The following ZNF713 variants were observed in gnomAD, a reference collection of about 807,000 sequenced individuals.
ZNF713 encodes zinc finger protein 713.
In ZNF713, 21 loss-of-function variants were observed where a neutral mutation model predicts 28.7. That is an observed-to-expected ratio of 0.73 (90% CI 0.52 to 1.05). The LOEUF (loss-of-function observed/expected upper bound fraction) is 1.05. Among genes scored for constraint, ZNF713 ranks in the 50% least tolerant of loss-of-function variants. ZNF713 has a pLI of 0.00. For missense variants in ZNF713, 458 were observed against 532.4 expected (o/e 0.86, Z 1.37); for synonymous variants, 167 against 178.0 (o/e 0.94, Z 0.49).
chr7:55,896,663 GTA>G (rs145355782), intron 1 of ZNF713, among the ~76,000 whole-genome samples: 1 of 150,976 alleles, frequency 6.6e-6, no homozygotes, highest in Non-Finnish European at 1.5e-5. Context: ...TGGTTAGTGT[GTA>G]TATATATATA....
At chr7:55,922,261 C>T (rs142147393) in intron 4 of ZNF713, among the ~76,000 whole-genome samples, 36 of 152,194 alleles carry the variant, frequency 2.4e-4, no homozygotes, top group African/African-American at 8.2e-4. Flanking sequence ...TTGCCTTGGC[C>T]GGGCACAGTG....
chr7:55,929,709 T>G (rs927955962), intron 6 of ZNF713, among the ~76,000 whole-genome samples: 1 of 150,672 alleles, frequency 6.6e-6, no homozygotes, highest in Non-Finnish European at 1.5e-5. Flanking sequence ...GAACTGAGAC[T>G]GCGCCACTGC....
At position 55,941,436 on chromosome 7, in the gene ZNF713, A is replaced by T. The variant is rs890991159; in HGVS notation, c.*1430A>T. 1 of 150,872 alleles carries T rather than the reference A, an allele frequency of 6.6e-6. No individual in the cohort carries two copies. Among genetic ancestry groups the T allele is most frequent in the Non-Finnish European group, 1.5e-5 (1 of 67,696 alleles). The allele number at this position is 150,872 out of a possible 1,614,324, so 9.3% of individuals were successfully genotyped here. On this transcript the variant is annotated 3_prime_UTR_variant, in exon 7 of 7. Transcript: ENST00000429591. ...ACGCCACTGTACTCCAGCCTGGGCA[A>T]CAGAGTGAGACTGTCTCAAAAAAAA...
chr7:55,936,098 C>T (rs994323293), intron 6 of ZNF713, among the ~76,000 whole-genome samples: 13 of 151,854 alleles, frequency 8.6e-5, no homozygotes, highest in African/African-American at 2.2e-4. Flanking sequence ...AACCCCGTCT[C>T]TACTAAAAAT....
intron 2 of ZNF713, among the ~76,000 whole-genome samples, chr7:55,910,070 A>C (rs1420553093): frequency 6.6e-6 from 1 of 151,654 alleles, no homozygotes; most frequent in East Asian, 1.9e-4. Context: ...CATGTTGCCC[A>C]AGCTGGTCTT....
Position 55,939,578 on chromosome 7 carries a change from A to T in ZNF713, c.904A>T (p.Ile302Phe). 6.2e-7 allele frequency: 1 copy of T among 1,614,104 alleles called. No individual in the cohort carries two copies. The highest frequency in any genetic ancestry group is 1.7e-4 in the Middle Eastern group (1 of 6,060). Residue 302 changes from isoleucine to phenylalanine, a missense_variant, in exon 7 of 7, where the codon ATT becomes TTT. By Grantham distance (21) the Ile-to-Phe change is conservative. Transcript: ENST00000429591. ...GKRFSQRIHLIQHQRIHTGEK... is the reference protein window; with the variant it reads ...GKRFSQRIHLFQHQRIHTGEK... ...AAGATTCAGCCAGAGGATACATCTC[A>T]TTCAACATCAGAGAATTCACACAGG...
intron 4 of ZNF713, among the ~76,000 whole-genome samples, chr7:55,915,807 C>G (rs1306136133): frequency 6.6e-6 from 1 of 152,128 alleles, no homozygotes; most frequent in Non-Finnish European, 1.5e-5. Context: ...CTGACTTTTA[C>G]TCTGAGTGCA....
chr7:55,923,108 A>C, intron 4 of ZNF713, 54 bp from the exon 5 acceptor site: 2 of 1,552,074 alleles, frequency 1.3e-6, no homozygotes, highest in South Asian at 1.3e-5. Context: ...CCCTCCCTTG[A>C]GGGTCCCTGT....
chr7:55,924,667 A>T (rs1786060976), intron 6 of ZNF713: 1 of 152,242 alleles, frequency 6.6e-6, no homozygotes, highest in African/African-American at 2.4e-5. Flanking sequence ...TGAGGTCAGG[A>T]GTACGAGACC....
rs1786423888 is a variant in ZNF713 at position 55,939,650 on chromosome 7, C to T, written c.976C>T (p.His326Tyr). The T allele has an allele frequency of 6.2e-7, 1 of 1,614,044 alleles. No individual in the cohort carries two copies. Among genetic ancestry groups the T allele is most frequent in the Non-Finnish European group, 8.5e-7 (1 of 1,180,040 alleles). ...CNGCGKAFRQ[H>Y]SSFTQHLRIH... ...TGGATGTGGGAAAGCCTTCCGTCAG[C>T]ATTCATCCTTTACTCAACATCTGAG... is the stretch of plus-strand genomic sequence containing the variant. Residue 326 changes from histidine (H) to tyrosine (Y), a missense_variant, in exon 7 of 7, where the codon CAT becomes TAT. His to Tyr is a moderately conservative substitution (Grantham distance 83). Transcript: ENST00000429591.
intron 6 of ZNF713, among the ~76,000 whole-genome samples, chr7:55,934,525 C>T (rs916172083): frequency 6.6e-6 from 1 of 151,922 alleles, no homozygotes; most frequent in Non-Finnish European, 1.5e-5. Context: ...TTTGGTAGAG[C>T]CTTATGTGTG....
intron 1 of ZNF713, among the ~76,000 whole-genome samples, chr7:55,900,562 G>A (rs1002149200): frequency 1.1e-4 from 17 of 152,126 alleles, no homozygotes; most frequent in African/African-American, 3.9e-4. Flanking sequence ...AGATGAACCT[G>A]GAGGACATTG....
intron 6 of ZNF713, among the ~76,000 whole-genome samples, chr7:55,932,928 GTGAATTGGTTAAA>G (rs1284869715): frequency 7.1e-6 from 1 of 140,154 alleles, no homozygotes; most frequent in Non-Finnish European, 1.5e-5. Flanking sequence ...CAACCTAAAT[GTGAATTGGTTAAA>G]AATACTTTGG....
At chr7:55,916,312 T>G (rs1199252523) in intron 4 of ZNF713, among the ~76,000 whole-genome samples, 18 of 152,240 alleles carry the variant, frequency 1.2e-4, no homozygotes, top group Non-Finnish European at 4.4e-5. Flanking sequence ...TTCTTCTTCC[T>G]TAAACATGGC....
rs753878987 is a variant in ZNF713 at position 55,923,198 on chromosome 7, A to G, written c.124A>G (p.Thr42Ala). The G allele has an allele frequency of 1.2e-4, 189 of 1,613,446 alleles. No homozygotes were observed. Among genetic ancestry groups the G allele is most frequent in the Non-Finnish European group, 1.6e-4 (187 of 1,179,808 alleles). Reference sequence around the variant, plus strand: ...GTTTCAGGATGTGGCCGTGGACTTCACCAGAGAGGAGTGGGACCAGCTGTA... The same window carrying G: ...GTTTCAGGATGTGGCCGTGGACTTCGCCAGAGAGGAGTGGGACCAGCTGTA... ...LTFQDVAVDF[T>A]REEWDQLYPA... Residue 42 changes from threonine (T) to alanine (A), a missense_variant, in exon 5 of 7, where the codon ACC becomes GCC. Coordinates refer to ENST00000429591, the MANE Select transcript of ZNF713 (RefSeq NM_182633.3).
rs192893373 is a variant in ZNF713 at position 55,938,239 on chromosome 7, T to C, written c.308-743T>C. ...AAAAACAAAAAAAAGAGGAAAGCCA[T>C]GGGACCTGTTCAAGTCTTCATCTAG... On this transcript the variant is annotated intron_variant, in intron 6 of 6. Transcript: ENST00000429591. 9.5e-4 allele frequency among the ~76,000 whole-genome samples: 144 copies of C among 152,212 alleles called. 1 individual carries two copies. The Middle Eastern group carries it at 0.01, about 11-fold the overall frequency.
Position 55,939,020 on chromosome 7 carries a change from A to C in ZNF713, c.346A>C (p.Ser116Arg). 1 of 1,599,980 alleles carries C rather than the reference A, an allele frequency of 6.3e-7. No individual in the cohort carries two copies. Among genetic ancestry groups the C allele is most frequent in the Non-Finnish European group, 8.5e-7 (1 of 1,174,124 alleles). Residue 116 changes from serine to arginine, a missense_variant, in exon 7 of 7, where the codon AGC (serine) becomes CGC (arginine). Transcript: ENST00000429591. ...NRPEIKKSTT[S>R]QNISDENQTH... ...ACCCGAAATCAAAAAGTCAACCACA[A>C]GCCAGAATATTTCTGATGAAAATCA...
In ZNF713 at chr7:55,891,517, T is replaced by C. The variant is rs577656275; in HGVS notation, c.-583+3837T>C. 2.0e-3 allele frequency among the ~76,000 whole-genome samples: 301 copies of C among 150,776 alleles called. 2 individuals are homozygous for C. The highest frequency in any genetic ancestry group is 3.2e-3 in the Non-Finnish European group (216 of 67,748). ...AAACATGGTGAGACCTGGTCGCTAA[T>C]AACAACAACAACAACAACAACAACA... On this transcript the variant is annotated intron_variant, in intron 1 of 6. Transcript: ENST00000429591.
chr7:55,925,371 T>C (rs901990477), intron 6 of ZNF713, among the ~76,000 whole-genome samples: 14 of 152,144 alleles, frequency 9.2e-5, no homozygotes, highest in African/African-American at 3.4e-4. Flanking sequence ...GCCTGTAATC[T>C]CAACACTTTG....
Sources: gnomAD v4.1 joint callset for allele counts (sites outside exome capture counted in the v4.1 genomes callset) on GRCh38, gnomAD v4.1.1 for gene constraint, MANE v1.5 for transcripts, NCBI Gene and HGNC (gene_info 2026-07-23, HGNC 2026-07-21) for gene names.